The following SLIT1 variants were observed in gnomAD, a reference collection of about 807,000 sequenced individuals.
The protein encoded by SLIT1 is slit guidance ligand 1, also known as slit homolog 1 protein.
A neutral mutation model predicts 186.1 loss-of-function variants in SLIT1; 66 were observed. The ratio of observed to expected loss-of-function variants is 0.35; its 90% CI spans 0.29 to 0.44. The LOEUF (loss-of-function observed/expected upper bound fraction) is 0.44, where lower values mean the gene tolerates loss of function less well. SLIT1 is among the 20% of genes least tolerant of loss of function. The pLI, the probability that SLIT1 is intolerant of heterozygous loss-of-function variation, is 1.00. For missense variants in SLIT1, 1,638 were observed against 2,037.4 expected (o/e 0.80, Z 3.77); for synonymous variants, 761 against 833.8 (o/e 0.91, Z 1.50).
chr10:97,158,867 C>A (rs914715299), intron 3 of SLIT1, among the ~76,000 whole-genome samples: 1 of 151,158 alleles, frequency 6.6e-6, no homozygotes, highest in African/African-American at 2.4e-5. Flanking sequence ...CAGAGTGAGA[C>A]TCTGTCTCAG....
Position 97,049,069 on chromosome 10 carries a change from C to A in SLIT1, c.1351G>T (p.Ala451Ser), listed in dbSNP as rs140404931. 2.3e-4 allele frequency: 374 copies of A among 1,613,816 alleles called. 1 individual carries two copies. The African/African-American group carries it at 4.2e-3, about 18-fold the overall frequency. The change falls in exon 14 of 37, where the codon GCA (alanine) becomes TCA (serine). Residue 451 changes from alanine (A) to serine (S), a missense_variant. Physicochemically the swap from Ala to Ser is moderately conservative, Grantham distance 99. This residue lies in a region of SLIT1 where 1,245 missense variants were observed against 1,535.3 expected (regional missense o/e 0.81). Transcript: ENST00000266058. ...ATGGGATTGGTGCGCAGGAAGTCTG[C>A]CAGCCACTTGAGGTTACAGTCGCAA... ...FICDCNLKWLADFLRTNPIET... is the reference protein window; with the variant it reads ...FICDCNLKWLSDFLRTNPIET...
chr10:97,082,535 C>G (rs967242559), intron 4 of SLIT1, among the ~76,000 whole-genome samples: 1 of 152,036 alleles, frequency 6.6e-6, no homozygotes, highest in African/African-American at 2.4e-5. Flanking sequence ...TCTGGGTTCA[C>G]GTCATTCTCC....
chr10:97,038,649 G>A (rs1298121965), intron 21 of SLIT1, among the ~76,000 whole-genome samples: 2 of 152,148 alleles, frequency 1.3e-5, no homozygotes, highest in Non-Finnish European at 2.9e-5. Context: ...GCTGAGCCAA[G>A]CTGAGCTCCA....
At chr10:97,013,876 C>G (rs994786010) in intron 29 of SLIT1, 42 bp from the exon 30 acceptor site, 1 of 1,541,614 alleles carries the variant, frequency 6.5e-7, no homozygotes, top group Non-Finnish European at 8.8e-7. Context: ...AAGCTGCTCT[C>G]CTGTGCTCTG....
chr10:97,075,323 C>G (rs945923124), intron 4 of SLIT1, among the ~76,000 whole-genome samples: 1 of 152,230 alleles, frequency 6.6e-6, no homozygotes, highest in Non-Finnish European at 1.5e-5. Context: ...TATGGCTTAA[C>G]CACAGCTGAG....
At chr10:97,042,831 C>A in intron 20 of SLIT1, 70 bp downstream of exon 20, 1 of 1,537,400 alleles carries the variant, frequency 6.5e-7, no homozygotes, top group Non-Finnish European at 8.9e-7. Context: ...TCCCATCTTC[C>A]TCACCTGCCC....
chr10:97,026,326 T>G (rs1045848507), intron 25 of SLIT1, among the ~76,000 whole-genome samples: 1 of 151,980 alleles, frequency 6.6e-6, no homozygotes, highest in Non-Finnish European at 1.5e-5. Flanking sequence ...TAGCCAGGCA[T>G]AGTGGCAGGT....
chr10:97,009,554 C>T (rs999151946), intron 31 of SLIT1, among the ~76,000 whole-genome samples: 2 of 152,158 alleles, frequency 1.3e-5, no homozygotes, highest in Admixed American at 1.3e-4. Context: ...AGGTATAAAT[C>T]TTCATAACCT....
At chr10:97,101,162 TG>T (rs1295163468) in intron 4 of SLIT1, among the ~76,000 whole-genome samples, 2 of 151,996 alleles carry the variant, frequency 1.3e-5, no homozygotes, top group South Asian at 4.1e-4. Context: ...CAGATACAGG[TG>T]GAAGAGAGTC....
chr10:97,099,388 G>A (rs1589392827), intron 4 of SLIT1, among the ~76,000 whole-genome samples: 1 of 152,296 alleles, frequency 6.6e-6, no homozygotes, highest in East Asian at 1.9e-4. Flanking sequence ...ACAGCTGAGT[G>A]GGGCTGCAGC....
Position 97,021,777 on chromosome 10 carries a change from G to A in SLIT1, c.2583-364C>T, listed in dbSNP as rs1848504288. ...GGGGTTTCACCATATTGACCAGGCT[G>A]GTCTTGAACTCCTAAACTCAGGTTA... On this transcript the variant is annotated intron_variant, in intron 25 of 36. Coordinates refer to ENST00000266058, the MANE Select transcript of SLIT1 (RefSeq NM_003061.3). The surrounding 1 kb of genome is among the most constrained non-coding windows in gnomAD (Gnocchi z 4.5). Among the ~76,000 whole-genome samples, 1 of 152,088 alleles carries A rather than the reference G, an allele frequency of 6.6e-6. No individual in the cohort carries two copies. Among genetic ancestry groups the A allele is most frequent in the South Asian group, 2.1e-4 (1 of 4,824 alleles).
intron 4 of SLIT1, among the ~76,000 whole-genome samples, chr10:97,133,449 C>T (rs187130593): frequency 1.3e-5 from 2 of 152,112 alleles, no homozygotes; most frequent in African/African-American, 2.4e-5. Context: ...TATGAGGTAC[C>T]TGGAGCTGTC....
Position 97,046,645 on chromosome 10 carries a change from C to T in SLIT1, c.1853+9G>A. ...TGGCCCACCCTGCTCCCCAGCCCTG[C>T]ACACTCACAGGGTCCTCAAGCCATC... is the stretch of plus-strand genomic sequence containing the variant. On this transcript the variant is annotated intron_variant, in intron 18 of 36. Coordinates refer to ENST00000266058, the MANE Select transcript of SLIT1 (RefSeq NM_003061.3). 6 of 1,601,922 alleles carry T rather than the reference C, an allele frequency of 3.7e-6. No homozygotes were observed. Among genetic ancestry groups the T allele is most frequent in the Non-Finnish European group, 5.1e-6 (6 of 1,177,548 alleles).
At position 97,046,727 on chromosome 10, in the gene SLIT1, G is replaced by C. The variant is rs1848737078; in HGVS notation, c.1780C>G (p.Leu594Val). ...AFEGAASVSE[L>V]HLTANQLESI... ...TCCAGCTGGTTGGCAGTTAGGTGCA[G>C]CTCGCTCACAGAGGCTGCGCCCTCG... Residue 594 changes from leucine to valine, a missense_variant, in exon 18 of 37, where the codon CTG (leucine) becomes GTG (valine). Leu to Val is a conservative substitution (Grantham distance 32). This residue lies in a region of SLIT1 where 1,245 missense variants were observed against 1,535.3 expected (regional missense o/e 0.81). Coordinates refer to ENST00000266058, the MANE Select transcript of SLIT1 (RefSeq NM_003061.3). The C allele has an allele frequency of 6.2e-7, 1 of 1,612,534 alleles. No homozygotes were observed. Among genetic ancestry groups the C allele is most frequent in the Admixed American group, 1.7e-5 (1 of 60,032 alleles).
chr10:97,091,831 C>T (rs974356778), intron 4 of SLIT1, among the ~76,000 whole-genome samples: 1 of 152,322 alleles, frequency 6.6e-6, no homozygotes. Flanking sequence ...GCTAAGTGCC[C>T]TTGCAGTTCC....
At chr10:97,166,557 A>AGGAAGGAAGGAAAGAGAGAGAG (rs1283710320) in intron 1 of SLIT1, among the ~76,000 whole-genome samples, 8 of 55,216 alleles carry the variant, frequency 1.4e-4, no homozygotes, top group South Asian at 1.7e-3. Flanking sequence ...GAAGGAAGGA[A>AGGAAGGAAGGAAAGAGAGAGAG]AGAGAGAGAG....
At chr10:97,059,995 G>T in intron 10 of SLIT1, 92 bp downstream of exon 10, 1 of 1,096,736 alleles carries the variant, frequency 9.1e-7, no homozygotes, top group Non-Finnish European at 1.4e-6. Context: ...GCTGTGGGGG[G>T]CTGAGTTAGG....
chr10:97,013,850 G>C lies in SLIT1; in HGVS notation c.3110-16C>G. ...CAGGCCTTTCCTGGGGAAAGAACGAGCAAGGGGCAGGAGAGAAGCTGCTCT... is the reference window on the plus strand; with the variant it reads ...CAGGCCTTTCCTGGGGAAAGAACGACCAAGGGGCAGGAGAGAAGCTGCTCT... On this transcript the variant is annotated splice_polypyrimidine_tract_variant and intron_variant, in intron 29 of 36. Coordinates refer to ENST00000266058, the MANE Select transcript of SLIT1 (RefSeq NM_003061.3). 6.5e-7 allele frequency: 1 copy of C among 1,549,972 alleles called. No homozygotes were observed. The highest frequency in any genetic ancestry group is 8.7e-7 in the Non-Finnish European group (1 of 1,145,694).
chr10:97,040,166 G>T, intron 20 of SLIT1, 46 bp from the exon 21 acceptor site: 2 of 1,494,754 alleles, frequency 1.3e-6, no homozygotes, highest in Non-Finnish European at 1.8e-6. Flanking sequence ...TGGACGGGCC[G>T]CTGTAGGGCC....
Sources: gnomAD v4.1 joint callset for allele counts (sites outside exome capture counted in the v4.1 genomes callset) on GRCh38, gnomAD v4.1.1 for gene constraint, gnomAD v4.1.1 regional missense constraint, Gnocchi (gnomAD v3.1) non-coding constraint, MANE v1.5 for transcripts, NCBI Gene and HGNC (gene_info 2026-07-23, HGNC 2026-07-21) for gene names.